The following DTWD1 variants were observed in gnomAD, a reference collection of about 807,000 sequenced individuals.
DTWD1 encodes DTW motif tRNA-uridine aminocarboxypropyltransferase 1.
Under a neutral mutation model 30.2 loss-of-function variants are expected in DTWD1, and 27 were observed. The ratio of observed to expected loss-of-function variants is 0.90; its 90% CI spans 0.66 to 1.23. The LOEUF (loss-of-function observed/expected upper bound fraction) is 1.23, where lower values mean the gene tolerates loss of function less well. DTWD1 is among the 50% of genes most tolerant of loss of function. The probability of loss-of-function intolerance (pLI) is 0.00; values close to 1 mark genes in which losing one functional copy is unlikely to be tolerated. For missense variants in DTWD1, 342 were observed against 348.8 expected (o/e 0.98, Z 0.15); for synonymous variants, 99 against 113.1 (o/e 0.88, Z 0.79).
chr15:49,633,455 C>G (rs2078959280), intron 3 of DTWD1: 1 of 154,010 alleles, frequency 6.5e-6, no homozygotes, highest in African/African-American at 2.4e-5. Flanking sequence ...ATACCTCAGG[C>G]TCCCGAGTAG....
chr15:49,633,867 G>C (rs1445835052), intron 3 of DTWD1, among the ~76,000 whole-genome samples: 1 of 152,142 alleles, frequency 6.6e-6, no homozygotes, highest in Admixed American at 6.5e-5. Context: ...GTAAAAATGT[G>C]CGGAAAGAAA....
chr15:49,643,690 A>G lies in DTWD1; in HGVS notation c.*112A>G. ...ATATAATGCCTGTAAGACCATTTGA[A>G]AAAATTCCAGTTTCATATATATCAC... On this transcript the variant is annotated 3_prime_UTR_variant, in exon 5 of 5. Coordinates refer to ENST00000403028, the MANE Select transcript of DTWD1 (RefSeq NM_001144955.2). 1.7e-6 allele frequency: 2 copies of G among 1,177,846 alleles called. No individual in the cohort carries two copies. Among genetic ancestry groups the G allele is most frequent in the Non-Finnish European group, 2.3e-6 (2 of 886,422 alleles). 73.0% of individuals were successfully genotyped at this position (1,177,846 alleles called of 1,614,324 possible).
chr15:49,646,578 A>G lies in DTWD1; in HGVS notation c.*3000A>G, dbSNP rs1354206564. On this transcript the variant is annotated 3_prime_UTR_variant, in exon 5 of 5. Transcript: ENST00000403028. ...GCGATGTAGTCTGGTAGGTTTGTGA[A>G]GTTAACTGTCTGAAAAACTTGGATC... is the stretch of plus-strand genomic sequence containing the variant. 1 of 152,274 alleles carries G rather than the reference A, an allele frequency of 6.6e-6. No homozygotes were observed. Among genetic ancestry groups the G allele is most frequent in the Non-Finnish European group, 1.5e-5 (1 of 68,106 alleles). 9.4% of individuals were successfully genotyped at this position (152,274 alleles called of 1,614,324 possible). A position where few individuals can be genotyped will look rare whatever the true frequency, so the allele number is the denominator to read the frequency against.
At chr15:49,631,807 C>T (rs1357245449) in intron 2 of DTWD1, among the ~76,000 whole-genome samples, 1 of 151,902 alleles carries the variant, frequency 6.6e-6, no homozygotes, top group African/African-American at 2.4e-5. Context: ...AATAGGCAAA[C>T]CTAAAGTTTA....
chr15:49,638,227 A>G (rs774995951), intron 4 of DTWD1, among the ~76,000 whole-genome samples: 11 of 152,206 alleles, frequency 7.2e-5, no homozygotes, highest in Non-Finnish European at 1.5e-4. Context: ...CTATAAAAGG[A>G]ATTATTGTGG....
rs1159363842 is a variant in DTWD1 at position 49,644,384 on chromosome 15, C to CA, written c.*807dup. The CA allele has an allele frequency of 2.6e-5, 4 of 151,978 alleles. No individual in the cohort carries two copies. The highest frequency in any genetic ancestry group is 9.7e-5 in the African/African-American group (4 of 41,300). The allele number at this position is 151,978 out of a possible 1,614,324, so 9.4% of individuals were successfully genotyped here. On this transcript the variant is annotated 3_prime_UTR_variant, in exon 5 of 5. Coordinates refer to ENST00000403028, the MANE Select transcript of DTWD1 (RefSeq NM_001144955.2). ...TTAGAATGAAGTCAGCGAAGGAAAG[C>CA]AGAGTGGAGAGAAAAAGAGAGACTG...
At chr15:49,633,315 T>C (rs1230346861) in intron 3 of DTWD1, among the ~76,000 whole-genome samples, 2 of 152,006 alleles carry the variant, frequency 1.3e-5, no homozygotes, top group Non-Finnish European at 2.9e-5. Flanking sequence ...TTAAAAACTT[T>C]TACAACTTTG....
intron 2 of DTWD1, chr15:49,626,800 T>C (rs937848607): frequency 1.8e-5 from 8 of 437,316 alleles, no homozygotes; most frequent in Non-Finnish European, 1.4e-5. Flanking sequence ...AAATCACATG[T>C]ATAGGCTAAT....
chr15:49,630,133 A>G (rs1201511866), intron 2 of DTWD1, among the ~76,000 whole-genome samples: 1 of 152,218 alleles, frequency 6.6e-6, no homozygotes, highest in Non-Finnish European at 1.5e-5. Context: ...TCTAGAAAGT[A>G]CAAACTATAG....
chr15:49,632,005 T>C (rs1195381680), intron 2 of DTWD1, 154 bp from the exon 3 acceptor site: 13 of 795,242 alleles, frequency 1.6e-5, no homozygotes, highest in Non-Finnish European at 2.7e-5. Context: ...TTTGTAACAA[T>C]CACCATTCTT....
chr15:49,626,829 G>A (rs1408796346), intron 2 of DTWD1: 2 of 425,224 alleles, frequency 4.7e-6, no homozygotes, highest in African/African-American at 4.0e-5. Context: ...TACTAGCCAA[G>A]AATAAGTAAG....
Position 49,654,111 on chromosome 15 carries a change from CT to C in DTWD1, c.*10535del, listed in dbSNP as rs1489295447. ...GTGTGGTGTTCCTATCCTAGAAAAC[CT>C]TAACTGGGACAAGCTACTCTCAAGC... is the stretch of plus-strand genomic sequence containing the variant. On this transcript the variant is annotated 3_prime_UTR_variant, in exon 5 of 5. Coordinates refer to ENST00000403028, the MANE Select transcript of DTWD1 (RefSeq NM_001144955.2). The C allele has an allele frequency of 3.9e-5, 6 of 151,952 alleles. No individual in the cohort carries two copies. The East Asian group carries it at 1.2e-3, about 29-fold the overall frequency. The allele number at this position is 151,952 out of a possible 1,614,324, so 9.4% of individuals were successfully genotyped here.
In DTWD1 at chr15:49,645,589, A is replaced by G. The variant is rs1411352490; in HGVS notation, c.*2011A>G. On this transcript the variant is annotated 3_prime_UTR_variant, in exon 5 of 5. Transcript: ENST00000403028. ...GGCCAAAGTTGGATTTCTCTAGGCT[A>G]AATTTGGACTTCCCTGAGCCAAAAT... The G allele has an allele frequency of 6.6e-6, 1 of 152,078 alleles. No homozygotes were observed. The highest frequency in any genetic ancestry group is 1.9e-4 in the East Asian group (1 of 5,174). 9.4% of individuals were successfully genotyped at this position (152,078 alleles called of 1,614,324 possible). A position where few individuals can be genotyped will look rare whatever the true frequency, so the allele number is the denominator to read the frequency against.
At chr15:49,625,773 C>T (rs2153351247) in intron 2 of DTWD1, among the ~76,000 whole-genome samples, 1 of 152,160 alleles carries the variant, frequency 6.6e-6, no homozygotes, top group Middle Eastern at 3.4e-3. Context: ...TTAAAATTTT[C>T]CAAATAGGGT....
At chr15:49,626,211 C>G (rs1483844136) in intron 2 of DTWD1, among the ~76,000 whole-genome samples, 2 of 152,058 alleles carry the variant, frequency 1.3e-5, no homozygotes, top group East Asian at 3.9e-4. Flanking sequence ...TCCAAACACT[C>G]ATGTCTTTGG....
chr15:49,624,815 G>T (rs1360330716), intron 1 of DTWD1, among the ~76,000 whole-genome samples: 1 of 152,198 alleles, frequency 6.6e-6, no homozygotes, highest in African/African-American at 2.4e-5. Flanking sequence ...ATCCCTGTCT[G>T]ATGCTAACGT....
At chr15:49,637,391 G>T (rs577506685) in intron 4 of DTWD1, among the ~76,000 whole-genome samples, 9 of 152,106 alleles carry the variant, frequency 5.9e-5, no homozygotes, top group Middle Eastern at 6.8e-3. Context: ...TTCTGTCTCA[G>T]ACCTGGAATC....
At chr15:49,633,848 T>C (rs1397641397) in intron 3 of DTWD1, among the ~76,000 whole-genome samples, 1 of 152,222 alleles carries the variant, frequency 6.6e-6, no homozygotes, top group East Asian at 1.9e-4. Context: ...TCTAACAATA[T>C]AAATCTCAGT....
chr15:49,628,151 G>T (rs2078869609), intron 2 of DTWD1, among the ~76,000 whole-genome samples: 1 of 152,018 alleles, frequency 6.6e-6, no homozygotes, highest in Non-Finnish European at 1.5e-5. Context: ...ACAGTGTCAG[G>T]ATCATCAGTA....
Sources: allele counts gnomAD v4.1 joint callset (sites outside exome capture counted in the v4.1 genomes callset), GRCh38; gene constraint gnomAD v4.1.1; transcripts MANE v1.5; gene names NCBI Gene and HGNC (gene_info 2026-07-23, HGNC 2026-07-21).